Variants in VPS13A observed in about 807,000 individuals in gnomAD.
The protein encoded by VPS13A is intermembrane lipid transfer protein VPS13A.
In VPS13A, 264 loss-of-function variants were observed where a neutral mutation model predicts 390.9. The ratio of observed to expected loss-of-function variants is 0.68; its 90% confidence interval spans 0.61 to 0.75. The LOEUF (loss-of-function observed/expected upper bound fraction) is 0.75, where lower values mean the gene tolerates loss of function less well. VPS13A is among the 30% of genes least tolerant of loss of function. The pLI, the probability that VPS13A is intolerant of heterozygous loss-of-function variation, is 0.00. For synonymous variants in VPS13A, 1,231 were observed against 1,227.1 expected, an observed-to-expected ratio of 1.00 and a Z score of -0.07; for missense variants, 3,409 against 3,733.9, an observed-to-expected ratio of 0.91 and a Z score of 2.27.
intron 31 of VPS13A, among the ~76,000 whole-genome samples, chr9:77,284,251 A>G (rs1827207594): frequency 6.6e-6 from 1 of 152,188 alleles, no homozygotes; most frequent in African/African-American, 2.4e-5. Context: ...AAGGAGGTTA[A>G]AGGAATATCA....
rs759089323 is a variant in VPS13A, at chr9:77,339,963, TTA to T, written c.6774+53_6774+54del. On this transcript the variant is annotated intron_variant, in intron 48 of 71. Coordinates refer to ENST00000360280, the MANE Select transcript of VPS13A (RefSeq NM_033305.3). ...CTTGTCTTTAGCTACTTGTCACTTT[TTA>T]GTTTTTAAAGTTCTGAGTAATAAAT... The T allele has an allele frequency of 3.8e-6, 6 of 1,586,766 alleles. No individual in the cohort carries two copies. In the East Asian group the frequency reaches 1.3e-4, roughly 35 times the overall value.
At chr9:77,374,122 T>A (rs879735721) in intron 67 of VPS13A, among the ~76,000 whole-genome samples, 49 of 152,312 alleles carry the variant, frequency 3.2e-4, no homozygotes, top group Non-Finnish European at 6.8e-4. Flanking sequence ...CAGTTTGTCT[T>A]CACCCTTCCT....
intron 17 of VPS13A, among the ~76,000 whole-genome samples, chr9:77,235,217 C>G (rs1824076328): frequency 6.6e-6 from 1 of 152,266 alleles, no homozygotes; most frequent in East Asian, 1.9e-4. Context: ...TTTAACCTTT[C>G]TTGTAGGGCA....
In VPS13A at chr9:77,208,045, A is replaced by G. The variant is rs1825777080; in HGVS notation, c.386-1378A>G. Among the ~76,000 whole-genome samples the G allele has an allele frequency of 2.0e-5, 3 of 152,220 alleles. No homozygotes were observed. In the South Asian group the frequency reaches 6.2e-4, roughly 31 times the overall value. The stretch of plus-strand genomic sequence containing the variant: ...ATTTAAGGTGTTGGTAAAATAACAT[A>G]TCATGGAATCTGAGCTGCATAAGGA... On this transcript the variant is annotated intron_variant, in intron 5 of 71. Transcript: ENST00000360280.
chr9:77,271,644 G>T (rs926611540), intron 23 of VPS13A, among the ~76,000 whole-genome samples: 1 of 152,150 alleles, frequency 6.6e-6, no homozygotes, highest in Non-Finnish European at 1.5e-5. Context: ...ACTAATACAT[G>T]TAGCAGTGAT....
In VPS13A at chr9:77,303,024, C is replaced by G; in HGVS notation, c.3922C>G (p.Pro1308Ala). ...ATGCTGGGAGTGGTACCAGGAAGTT[C>G]CTTGTTTTAATGTAAATGCTCAGCT... The part of the protein sequence containing the change: ...NLCWEWYQEV[P>A]CFNVNAQLKP... The change falls in exon 34 of 72, where the codon CCT (proline) becomes GCT (alanine). Residue 1308 changes from proline to alanine, a missense_variant. Pro to Ala is a conservative substitution (Grantham distance 27). Transcript: ENST00000360280. 6.2e-7 allele frequency: 1 copy of G among 1,613,930 alleles called. No individual in the cohort carries two copies. The highest frequency in any genetic ancestry group is 2.2e-5 in the East Asian group (1 of 44,816).
chr9:77,345,585 A>G (rs1366395112), intron 52 of VPS13A, among the ~76,000 whole-genome samples: 2 of 151,984 alleles, frequency 1.3e-5, no homozygotes, highest in African/African-American at 2.4e-5. Flanking sequence ...TTGAATCTTC[A>G]TGGTTTAGGA....
chr9:77,274,295 C>CT (rs1339676691), intron 24 of VPS13A, among the ~76,000 whole-genome samples: 2 of 151,954 alleles, frequency 1.3e-5, no homozygotes, highest in Non-Finnish European at 1.5e-5. Context: ...GGGAGTGGTG[C>CT]TGCACACCTG....
At chr9:77,370,786 G>A (rs2131588346) in intron 65 of VPS13A, 104 bp from the exon 66 acceptor site, 2 of 1,494,350 alleles carry the variant, frequency 1.3e-6, no homozygotes. Flanking sequence ...TAATTCTTAT[G>A]CTATATAAAA....
At chr9:77,408,447 G>C (rs968487809) in intron 71 of VPS13A, among the ~76,000 whole-genome samples, 3 of 152,226 alleles carry the variant, frequency 2.0e-5, no homozygotes, top group Admixed American at 1.3e-4. Flanking sequence ...AGTGGGTGCA[G>C]GACAGTGGGT....
chr9:77,177,746 C>T lies in VPS13A; in HGVS notation c.42C>T (p.Phe14=), dbSNP rs2131030100. ...ESVVVDVLNR[F]LGDYVVDLDT... is the part of the protein sequence containing the mutation. ...TGGTCGTGGACGTGTTGAACCGGTT[C>T]TTGGGGGACTATGTGGTGGACTTGG... Residue 14 remains phenylalanine (F), a synonymous_variant, in exon 1 of 72, where the codon TTC becomes TTT. Coordinates refer to ENST00000360280, the MANE Select transcript of VPS13A (RefSeq NM_033305.3). 1 of 1,613,678 alleles carries T rather than the reference C, an allele frequency of 6.2e-7. No homozygotes were observed. Among genetic ancestry groups the T allele is most frequent in the Non-Finnish European group, 8.5e-7 (1 of 1,179,702 alleles).
intron 17 of VPS13A, among the ~76,000 whole-genome samples, chr9:77,236,153 T>C (rs1229920089): frequency 6.6e-6 from 1 of 152,200 alleles, no homozygotes; most frequent in Non-Finnish European, 1.5e-5. Context: ...CTTACAATGA[T>C]TTTATTGGGA....
chr9:77,243,832 G>T (rs11998748), intron 19 of VPS13A, among the ~76,000 whole-genome samples: 2,692 of 152,128 alleles, frequency 0.018, 56 homozygotes, highest in African/African-American at 0.049. Flanking sequence ...ATGCTGTATG[G>T]GTCCAATCAG....
chr9:77,258,464 C>G (rs1429411772), intron 22 of VPS13A, among the ~76,000 whole-genome samples: 1 of 152,144 alleles, frequency 6.6e-6, no homozygotes, highest in East Asian at 1.9e-4. Flanking sequence ...CATAGTGACT[C>G]TATCTACTAA....
intron 66 of VPS13A, 33 bp downstream of exon 66, chr9:77,370,968 A>G: frequency 6.2e-7 from 1 of 1,614,160 alleles, no homozygotes; most frequent in Non-Finnish European, 8.5e-7. Context: ...AAGTCTTTCT[A>G]AGTTGATTCT....
At chr9:77,248,189 T>A (rs1238916423) in intron 20 of VPS13A, among the ~76,000 whole-genome samples, 1 of 152,040 alleles carries the variant, frequency 6.6e-6, no homozygotes, top group Non-Finnish European at 1.5e-5. Context: ...GGCCTTCTTC[T>A]GTTTACCTAA....
At chr9:77,233,099 TC>T (rs779777800) in intron 17 of VPS13A, among the ~76,000 whole-genome samples, 3 of 152,162 alleles carry the variant, frequency 2.0e-5, no homozygotes, top group Non-Finnish European at 2.9e-5. Context: ...AAGTTTTACT[TC>T]CTATTAGTTA....
At chr9:77,329,382 T>A (rs569081210) in intron 45 of VPS13A, among the ~76,000 whole-genome samples, 38 of 152,368 alleles carry the variant, frequency 2.5e-4, no homozygotes, top group African/African-American at 9.1e-4. Flanking sequence ...TTAACATTAA[T>A]CATTTCTAGC....
chr9:77,406,124 A>T (rs1834593508), intron 70 of VPS13A, 137 bp downstream of exon 70: 2 of 1,129,358 alleles, frequency 1.8e-6, no homozygotes, highest in South Asian at 1.4e-5. Context: ...TATACCTGCT[A>T]TCTTACCCAG....
Sources: allele counts gnomAD v4.1 joint callset (sites outside exome capture counted in the v4.1 genomes callset), GRCh38; gene constraint gnomAD v4.1.1; transcripts MANE v1.5; gene names NCBI Gene and HGNC (gene_info 2026-07-23, HGNC 2026-07-21).